Variants in STAU1 observed in about 807,000 individuals in gnomAD.
The protein encoded by STAU1 is double-stranded RNA-binding protein Staufen homolog 1.
A neutral mutation model predicts 62.9 loss-of-function variants in STAU1; 13 were observed. That is an observed-to-expected ratio of 0.21 (90% confidence interval 0.13 to 0.33). The LOEUF is 0.33. Ranked by LOEUF, STAU1 falls within the 10% of genes least tolerant of loss-of-function variation. STAU1 has a pLI of 1.00. For missense variants in STAU1, 571 were observed against 712.1 expected (o/e 0.80, Z 2.25); for synonymous variants, 269 against 265.1 (o/e 1.01, Z -0.14).
At chr20:49,164,379 C>T (rs2093494807) in intron 3 of STAU1, among the ~76,000 whole-genome samples, 1 of 151,916 alleles carries the variant, frequency 6.6e-6, no homozygotes, top group Non-Finnish European at 1.5e-5. Context: ...CAGCTCATGG[C>T]AGCCTCGACC....
At chr20:49,154,219 A>C (rs2273653) in intron 3 of STAU1, 148 bp from the exon 4 acceptor site, 249,752 of 668,088 alleles carry the variant, frequency 0.37, 50,272 homozygotes, top group Middle Eastern at 0.45. Flanking sequence ...GGCATCAGAC[A>C]AGGAAATCCA....
the STAU1 span, among the ~76,000 whole-genome samples, chr20:49,213,781 A>C: frequency 6.6e-6 from 1 of 152,204 alleles, no homozygotes; most frequent in Non-Finnish European, 1.5e-5. Flanking sequence ...GTCTCTTTCA[A>C]ACTCTGTTTT....
intron 3 of STAU1, among the ~76,000 whole-genome samples, chr20:49,154,636 C>T (rs1044456406): frequency 6.6e-6 from 1 of 152,202 alleles, no homozygotes; most frequent in Non-Finnish European, 1.5e-5. Context: ...GAGGCCAAGG[C>T]AGGAGGATCA....
the STAU1 span, among the ~76,000 whole-genome samples, chr20:49,201,688 G>A: frequency 7.0e-6 from 1 of 143,682 alleles, no homozygotes; most frequent in Non-Finnish European, 1.5e-5. Flanking sequence ...GTTGCAGTGA[G>A]TCAAGATCAC....
At chr20:49,207,546 C>T in the STAU1 span, among the ~76,000 whole-genome samples, 1 of 152,144 alleles carries the variant, frequency 6.6e-6, no homozygotes, top group Non-Finnish European at 1.5e-5. Flanking sequence ...GACAGAGTCT[C>T]GCACTGTTGC....
chr20:49,195,898 C>CAAAAAAAAAAAAAAAAAAA, the STAU1 span, among the ~76,000 whole-genome samples: 2 of 33,868 alleles, frequency 5.9e-5, no homozygotes, highest in Non-Finnish European at 1.0e-4. Context: ...AACTTCCTCT[C>CAAAAAAAAAAAAAAAAAAA]AAAAAAAAAA....
At chr20:49,150,666 A>T (rs534308774) in intron 5 of STAU1, among the ~76,000 whole-genome samples, 2 of 151,568 alleles carry the variant, frequency 1.3e-5, no homozygotes, top group Non-Finnish European at 2.9e-5. Flanking sequence ...CAGCCACCTC[A>T]ATTTTTTTTT....
At chr20:49,191,488 C>A (rs1023386907), upstream of STAU1, among the ~76,000 whole-genome samples, 9 of 126,618 alleles carry the variant, frequency 7.1e-5, no homozygotes, top group African/African-American at 3.0e-4. Context: ...TGGCCCATAA[C>A]ACAGTGCCAG....
the STAU1 span, among the ~76,000 whole-genome samples, chr20:49,218,229 C>CTTT: frequency 3.1e-4 from 43 of 139,596 alleles, no homozygotes; most frequent in South Asian, 1.8e-3. Context: ...AAAGCCCAAT[C>CTTT]TTTTTTTTTT....
In STAU1 at chr20:49,118,056, A is replaced by G; in HGVS notation, c.1230T>C (p.His410=). The part of the protein sequence containing the change: ...EDEFRMPYLS[H]QQLPAGILPM... Reference sequence around the variant, plus strand: ...GAAGAATTCCAGCAGGCAGCTGCTGATGACTTAGATAAGGCATCCTGAACT... The same window carrying G: ...GAAGAATTCCAGCAGGCAGCTGCTGGTGACTTAGATAAGGCATCCTGAACT... Residue 410 remains histidine (H), a synonymous_variant, in exon 11 of 14, where the codon CAT becomes CAC. Coordinates refer to ENST00000371856, the MANE Select transcript of STAU1 (RefSeq NM_017453.4). 1 of 1,614,130 alleles carries G rather than the reference A, an allele frequency of 6.2e-7. No individual in the cohort carries two copies. The highest frequency in any genetic ancestry group is 8.5e-7 in the Non-Finnish European group (1 of 1,180,016).
At chr20:49,216,545 TA>T in the STAU1 span, among the ~76,000 whole-genome samples, 115 of 116,508 alleles carry the variant, frequency 9.9e-4, no homozygotes, top group African/African-American at 2.5e-3. Context: ...AGTAATTAAT[TA>T]AAAAAAATTA....
intron 5 of STAU1, among the ~76,000 whole-genome samples, chr20:49,137,024 G>A (rs117039257): frequency 3.9e-4 from 59 of 152,208 alleles, no homozygotes; most frequent in Non-Finnish European, 6.3e-4. Context: ...GCAGCCATGC[G>A]CATGGCAGTA....
chr20:49,156,756 G>A (rs1301686255), intron 3 of STAU1, among the ~76,000 whole-genome samples: 1 of 152,060 alleles, frequency 6.6e-6, no homozygotes, highest in Non-Finnish European at 1.5e-5. Context: ...CACTTTCTAT[G>A]GTCATGGTTT....
chr20:49,154,367 C>T (rs2093320976), intron 3 of STAU1, among the ~76,000 whole-genome samples: 1 of 152,102 alleles, frequency 6.6e-6, no homozygotes, highest in Admixed American at 6.6e-5. Flanking sequence ...AAATAAGTTC[C>T]AAAACACATC....
At chr20:49,161,423 TA>T (rs1317801843) in intron 3 of STAU1, among the ~76,000 whole-genome samples, 1 of 152,234 alleles carries the variant, frequency 6.6e-6, no homozygotes, top group Non-Finnish European at 1.5e-5. Flanking sequence ...TAATCTTGTC[TA>T]AGTATAGTTT....
chr20:49,203,187 G>T, the STAU1 span, among the ~76,000 whole-genome samples: 1 of 152,176 alleles, frequency 6.6e-6, no homozygotes, highest in Non-Finnish European at 1.5e-5. Flanking sequence ...TACTTTAGGA[G>T]CCCGAGGCGG....
chr20:49,162,614 A>C (rs1032663924), intron 3 of STAU1, among the ~76,000 whole-genome samples: 2 of 151,890 alleles, frequency 1.3e-5, no homozygotes, highest in East Asian at 3.9e-4. Context: ...CTCTACTAAA[A>C]ATACCAAAAA....
At position 49,117,601 on chromosome 20, in the gene STAU1, C is replaced by T. The variant is rs1454272577; in HGVS notation, c.1509+176G>A. On this transcript the variant is annotated intron_variant, in intron 11 of 13. Coordinates refer to ENST00000371856, the MANE Select transcript of STAU1 (RefSeq NM_017453.4). The surrounding 1 kb of genome is among the most constrained non-coding windows in gnomAD (Gnocchi z 4.6). ...CCAAAGGATAAAGATATTTCTCTTA[C>T]CACATATGCTTACAATACTTCTATA... Among the ~76,000 whole-genome samples, 1 of 152,218 alleles carries T rather than the reference C, an allele frequency of 6.6e-6. No homozygotes were observed.
chr20:49,130,933 G>A (rs1009110462), intron 6 of STAU1, among the ~76,000 whole-genome samples: 2 of 150,428 alleles, frequency 1.3e-5, no homozygotes, highest in East Asian at 2.0e-4. Flanking sequence ...GCGAGACTCC[G>A]TCTCAAAAAA....
Sources: allele counts gnomAD v4.1 joint callset (sites outside exome capture counted in the v4.1 genomes callset), GRCh38; gene constraint gnomAD v4.1.1; non-coding constraint Gnocchi (gnomAD v3.1); transcripts MANE v1.5; gene names NCBI Gene and HGNC (gene_info 2026-07-23, HGNC 2026-07-21).